HPSE2: variants seen among roughly 807,000 people sequenced by gnomAD.
HPSE2 encodes the protein inactive heparanase-2.
HPSE2 carries 38 observed loss-of-function variants against 60.5 expected under a neutral mutation model. The ratio of observed to expected loss-of-function variants is 0.63; its 90% CI spans 0.48 to 0.82. The LOEUF is 0.82. Among genes scored for constraint, HPSE2 ranks in the 40% least tolerant of loss-of-function variants. HPSE2 has a pLI of 0.00. For missense variants in HPSE2, 713 were observed against 740.4 expected, an observed-to-expected ratio of 0.96 and a Z score of 0.43; for synonymous variants, 295 against 293.2, an observed-to-expected ratio of 1.01 and a Z score of -0.06.
At chr10:98,556,513 G>C (rs1216628596) in intron 9 of HPSE2, among the ~76,000 whole-genome samples, 2 of 152,144 alleles carry the variant, frequency 1.3e-5, no homozygotes, top group East Asian at 1.9e-4. Flanking sequence ...ATGTAAATTT[G>C]ATCACTATCT....
chr10:98,899,846 C>T (rs867485637), intron 3 of HPSE2, among the ~76,000 whole-genome samples: 11 of 149,424 alleles, frequency 7.4e-5, no homozygotes, highest in South Asian at 4.2e-4. Flanking sequence ...TGCAGTGGCG[C>T]GATCTTGGCT....
At chr10:99,113,147 A>G (rs980237567) in intron 3 of HPSE2, among the ~76,000 whole-genome samples, 1 of 152,200 alleles carries the variant, frequency 6.6e-6, no homozygotes, top group Non-Finnish European at 1.5e-5. Flanking sequence ...AATGACAACA[A>G]TAGCAACCAT....
In HPSE2 at chr10:98,761,253, A is replaced by G. The variant is rs374350786; in HGVS notation, c.611-17197T>C. ...ATAAAAATGAGAACAGAAATAAATG[A>G]AATAGACATTAGAAAACCCGTAGAA... On this transcript the variant is annotated intron_variant, in intron 3 of 11. Coordinates refer to ENST00000370552, the MANE Select transcript of HPSE2 (RefSeq NM_021828.5). Among the ~76,000 whole-genome samples, 38 of 152,248 alleles carry G rather than the reference A, an allele frequency of 2.5e-4. No homozygotes were observed. In the East Asian group the frequency reaches 7.1e-3, roughly 29 times the overall value.
intron 3 of HPSE2, among the ~76,000 whole-genome samples, chr10:98,870,976 C>A (rs1173832813): frequency 6.6e-6 from 1 of 151,744 alleles, no homozygotes; most frequent in Admixed American, 6.6e-5. Flanking sequence ...GAATTTCCTC[C>A]TCTCTCTCTT....
chr10:99,216,257 C>T (rs1306663464), intron 2 of HPSE2, among the ~76,000 whole-genome samples: 1 of 142,298 alleles, frequency 7.0e-6, no homozygotes, highest in Admixed American at 7.3e-5. Flanking sequence ...TGCAGTGGCA[C>T]GATCTTGGCT....
intron 3 of HPSE2, among the ~76,000 whole-genome samples, chr10:98,987,694 A>C (rs913055029): frequency 5.9e-5 from 9 of 152,340 alleles, no homozygotes; most frequent in African/African-American, 1.9e-4. Context: ...GGAAAAGAGG[A>C]AGTCAAATTG....
chr10:98,966,728 A>G (rs1278259253), intron 3 of HPSE2, among the ~76,000 whole-genome samples: 1 of 152,186 alleles, frequency 6.6e-6, no homozygotes, highest in African/African-American at 2.4e-5. Flanking sequence ...GAGTAGGGTA[A>G]CTATAGCTAA....
chr10:99,006,695 C>A (rs1223895974), intron 3 of HPSE2, among the ~76,000 whole-genome samples: 1 of 152,152 alleles, frequency 6.6e-6, no homozygotes, highest in Non-Finnish European at 1.5e-5. Flanking sequence ...AGGGTTGAAC[C>A]TACAGCCCAA....
Position 98,940,734 on chromosome 10 carries a change from A to G in HPSE2, c.611-196678T>C, listed in dbSNP as rs376810089. On this transcript the variant is annotated intron_variant, in intron 3 of 11. Transcript: ENST00000370552. ...GGGAATCCTCCCTAACTCATTTTAT[A>G]AGGCCAGCATCATCCTGATACCAAA... 1.1e-4 allele frequency among the ~76,000 whole-genome samples: 16 copies of G among 142,108 alleles called. 1 individual carries two copies. Among genetic ancestry groups the G allele is most frequent in the Admixed American group, 5.6e-4 (8 of 14,246 alleles). 93.2% of individuals were successfully genotyped at this position (142,108 alleles called of 152,430 possible).
intron 3 of HPSE2, among the ~76,000 whole-genome samples, chr10:98,962,427 G>A (rs567567940): frequency 6.6e-6 from 1 of 151,944 alleles, no homozygotes; most frequent in Non-Finnish European, 1.5e-5. Flanking sequence ...CTTGAGCAGT[G>A]GTTTGTAGTA....
At chr10:99,195,415 CA>C (rs1846238057) in intron 2 of HPSE2, among the ~76,000 whole-genome samples, 1 of 151,008 alleles carries the variant, frequency 6.6e-6, no homozygotes, top group Admixed American at 6.6e-5. Flanking sequence ...AAAAAAAAAT[CA>C]AATTATCCTT....
chr10:98,501,381 A>G (rs757336459), intron 9 of HPSE2, among the ~76,000 whole-genome samples: 3 of 152,240 alleles, frequency 2.0e-5, no homozygotes, highest in Non-Finnish European at 4.4e-5. Context: ...CTAGGGATGT[A>G]GGAATGGTTT....
At chr10:98,464,553 C>G (rs1253324832) in intron 11 of HPSE2, among the ~76,000 whole-genome samples, 2 of 152,210 alleles carry the variant, frequency 1.3e-5, no homozygotes, top group African/African-American at 4.8e-5. Context: ...CTTCTGGACT[C>G]TCTTAGCACC....
intron 2 of HPSE2, among the ~76,000 whole-genome samples, chr10:99,182,267 A>G (rs1009546279): frequency 2.6e-5 from 4 of 152,326 alleles, no homozygotes; most frequent in Admixed American, 2.0e-4. Flanking sequence ...CTGCCAATGT[A>G]CACAAGGTCA....
chr10:99,004,043 A>G (rs962083186), intron 3 of HPSE2, among the ~76,000 whole-genome samples: 1 of 152,076 alleles, frequency 6.6e-6, no homozygotes, highest in Non-Finnish European at 1.5e-5. Context: ...TTTATTTGAT[A>G]TAAGTATAGT....
At chr10:98,534,181 T>G (rs1943212571) in intron 9 of HPSE2, among the ~76,000 whole-genome samples, 1 of 152,222 alleles carries the variant, frequency 6.6e-6, no homozygotes, top group Non-Finnish European at 1.5e-5. Flanking sequence ...ACTATCTGTT[T>G]TATCCTACAA....
intron 5 of HPSE2, among the ~76,000 whole-genome samples, chr10:98,712,397 T>C (rs1251973313): frequency 6.6e-6 from 1 of 152,106 alleles, no homozygotes; most frequent in African/African-American, 2.4e-5. Context: ...AAAAGTGCCT[T>C]GGGCCCATAA....
chr10:98,926,020 T>C (rs1171696014), intron 3 of HPSE2, among the ~76,000 whole-genome samples: 1 of 152,082 alleles, frequency 6.6e-6, no homozygotes, highest in Non-Finnish European at 1.5e-5. Flanking sequence ...TTACCCTTAA[T>C]AGGAGGAATA....
At chr10:98,903,453 T>TA (rs1285256933) in intron 3 of HPSE2, among the ~76,000 whole-genome samples, 4 of 152,030 alleles carry the variant, frequency 2.6e-5, no homozygotes, top group Admixed American at 6.6e-5. Context: ...ATGTTAAAGA[T>TA]AAAAAAATAA....
Sources: allele counts gnomAD v4.1 joint callset (sites outside exome capture counted in the v4.1 genomes callset), GRCh38; gene constraint gnomAD v4.1.1; transcripts MANE v1.5; gene names NCBI Gene and HGNC (gene_info 2026-07-23, HGNC 2026-07-21).